The following CD99L2 variants were observed in gnomAD, a reference collection of about 807,000 sequenced individuals.
CD99L2 encodes the protein CD99 molecule like 2, also known as CD99 antigen-like protein 2.
Under a neutral mutation model 27.3 loss-of-function variants are expected in CD99L2, and 24 were observed. The observed-to-expected ratio is 0.88, with a 90% CI of 0.64 to 1.24. The LOEUF (loss-of-function observed/expected upper bound fraction) is 1.24. CD99L2 is among the 50% of genes most tolerant of loss of function. CD99L2 has a pLI of 0.00. For missense variants in CD99L2, 255 were observed against 221.6 expected, an observed-to-expected ratio of 1.15 and a Z score of -0.96; for synonymous variants, 97 against 87.9, an observed-to-expected ratio of 1.10 and a Z score of -0.58.
At chrX:150,828,935 T>C (rs2046400568) in intron 2 of CD99L2, 1 of 111,149 alleles carries the variant, frequency 9.0e-6, no homozygotes, top group Admixed American at 9.7e-5. Context: ...GTAGCCCTAT[T>C]TGTAATTGCA....
At chrX:150,819,033 T>C in intron 2 of CD99L2, 1 of 312,917 alleles carries the variant, frequency 3.2e-6, no homozygotes, top group Non-Finnish European at 6.1e-6. Flanking sequence ...AGCATACAAG[T>C]CCTGGCATCT....
At chrX:150,797,799 C>T (rs2045820500) in intron 4 of CD99L2, among the ~76,000 whole-genome samples, 1 of 110,492 alleles carries the variant, frequency 9.1e-6, no homozygotes, top group Non-Finnish European at 1.9e-5. Flanking sequence ...TATCTCAACA[C>T]TTTGGGAGGC....
chrX:150,842,063 C>G, intron 1 of CD99L2, among the ~76,000 whole-genome samples: 1 of 111,658 alleles, frequency 9.0e-6, no homozygotes, highest in South Asian at 3.8e-4. Context: ...ATTCACAACC[C>G]GCAGTCCCTG....
At chrX:150,776,047 G>A (rs1557419247) in intron 9 of CD99L2, 127 bp downstream of exon 9, 5 of 898,364 alleles carry the variant, frequency 5.6e-6, no homozygotes, top group East Asian at 3.3e-5. Flanking sequence ...CTCCACCCCC[G>A]TCCCAGGAAG....
At chrX:150,817,347 A>G (rs1557420554) in intron 2 of CD99L2, among the ~76,000 whole-genome samples, 1 of 111,380 alleles carries the variant, frequency 9.0e-6, no homozygotes, top group Non-Finnish European at 1.9e-5. Flanking sequence ...CGATTTAAAA[A>G]AAATTATCCA....
rs782635966 is a variant in CD99L2 at position 150,835,265 on chromosome X, T to G, written c.68-3972A>C. ...AATTCTCACTACAACAAAATAAGTTTGTGAGATAATGGATATGTTAATTAG... is the reference window on the plus strand; with the variant it reads ...AATTCTCACTACAACAAAATAAGTTGGTGAGATAATGGATATGTTAATTAG... On this transcript the variant is annotated intron_variant, in intron 1 of 10. Coordinates refer to ENST00000370377, the MANE Select transcript of CD99L2 (RefSeq NM_031462.4). Among the ~76,000 whole-genome samples the G allele has an allele frequency of 2.7e-5, 3 of 112,667 alleles. No individual in the cohort carries two copies. In the East Asian group the frequency reaches 8.3e-4, roughly 31 times the overall value.
chrX:150,897,570 A>C (rs2047632595), intron 1 of CD99L2, among the ~76,000 whole-genome samples: 1 of 110,918 alleles, frequency 9.0e-6, no homozygotes, highest in African/African-American at 3.3e-5. Flanking sequence ...CTGAGCTCAC[A>C]TATTTTCCAC....
At chrX:150,800,726 T>C (rs905283965) in intron 4 of CD99L2, among the ~76,000 whole-genome samples, 10 of 111,369 alleles carry the variant, frequency 9.0e-5, no homozygotes, top group Non-Finnish European at 7.5e-5. Flanking sequence ...TTTATATGTA[T>C]ACTTACCACA....
At chrX:150,837,102 G>C (rs1269308695) in intron 1 of CD99L2, among the ~76,000 whole-genome samples, 1 of 111,653 alleles carries the variant, frequency 9.0e-6, no homozygotes, top group East Asian at 2.8e-4. Context: ...GTAGCAATGA[G>C]CACATCTAGC....
intron 1 of CD99L2, among the ~76,000 whole-genome samples, chrX:150,897,328 C>G (rs987925227): frequency 8.9e-6 from 1 of 112,516 alleles, no homozygotes; most frequent in African/African-American, 3.2e-5. Context: ...TGTTCACTAC[C>G]GCATCATCAG....
At chrX:150,861,778 C>T (rs932231718) in intron 1 of CD99L2, among the ~76,000 whole-genome samples, 14 of 109,145 alleles carry the variant, frequency 1.3e-4, no homozygotes, top group East Asian at 1.2e-3. Flanking sequence ...TAGTGGCGGG[C>T]GCCTGTAATC....
At chrX:150,849,388 T>C (rs1268367345) in intron 1 of CD99L2, among the ~76,000 whole-genome samples, 4 of 110,781 alleles carry the variant, frequency 3.6e-5, no homozygotes, top group Non-Finnish European at 5.7e-5. Flanking sequence ...CCTGTCCCTA[T>C]AAAATTTTTA....
intron 1 of CD99L2, among the ~76,000 whole-genome samples, chrX:150,837,502 C>T (rs1029507218): frequency 8.9e-6 from 1 of 111,831 alleles, no homozygotes; most frequent in Non-Finnish European, 1.9e-5. Flanking sequence ...CCCACCTTGG[C>T]CTCCCAAAGT....
intron 1 of CD99L2, among the ~76,000 whole-genome samples, chrX:150,855,773 G>C (rs1557421727): frequency 9.0e-6 from 1 of 111,457 alleles, no homozygotes; most frequent in African/African-American, 3.3e-5. Context: ...GGAACACCAA[G>C]GATCGCTACC....
At chrX:150,827,818 G>T (rs1367020498) in intron 2 of CD99L2, among the ~76,000 whole-genome samples, 1 of 111,620 alleles carries the variant, frequency 9.0e-6, no homozygotes, top group Non-Finnish European at 1.9e-5. Flanking sequence ...TGTGTATGGT[G>T]TGAGGTAACG....
intron 4 of CD99L2, among the ~76,000 whole-genome samples, chrX:150,801,362 T>C (rs782555159): frequency 7.1e-4 from 80 of 112,056 alleles, no homozygotes; most frequent in African/African-American, 2.3e-3. Flanking sequence ...ACGATCATAG[T>C]GGAAGGCAAA....
intron 1 of CD99L2, among the ~76,000 whole-genome samples, chrX:150,848,114 C>G (rs909341343): frequency 3.8e-5 from 4 of 106,602 alleles, no homozygotes; most frequent in South Asian, 9.2e-4. Flanking sequence ...CCTGCAGGCC[C>G]CCCCCCCCTT....
Position 150,770,366 on chromosome X carries a change from C to T in CD99L2, c.659G>A (p.Gly220Asp). The change falls in exon 10 of 11, where the codon GGT becomes GAT. Residue 220 changes from glycine to aspartate, a missense_variant. Coordinates refer to ENST00000370377, the MANE Select transcript of CD99L2 (RefSeq NM_031462.4). ...TCCCTTCACGTAGTCTGCGTTGAGA[C>T]CCTCTGCAAAGGGAAAAGGGCAGAG... ...QKKFCFSIQQ[G>D]LNADYVKGEN... 6 of 1,211,268 alleles carry T rather than the reference C, an allele frequency of 5.0e-6. No homozygotes were observed. The highest frequency in any genetic ancestry group is 6.7e-6 in the Non-Finnish European group (6 of 894,965).
chrX:150,809,121 C>T (rs984438929), intron 4 of CD99L2, among the ~76,000 whole-genome samples: 2 of 111,097 alleles, frequency 1.8e-5, no homozygotes, highest in Non-Finnish European at 3.8e-5. Context: ...TAAATTCTCC[C>T]CTAGAGTCTC....
Sources: gnomAD v4.1 joint callset for allele counts (sites outside exome capture counted in the v4.1 genomes callset) on GRCh38, gnomAD v4.1.1 for gene constraint, MANE v1.5 for transcripts, NCBI Gene and HGNC (gene_info 2026-07-23, HGNC 2026-07-21) for gene names.